DLGAP2: variants seen among roughly 807,000 people sequenced by gnomAD.
DLGAP2 encodes the protein disks large-associated protein 2.
Under a neutral mutation model 100.3 loss-of-function variants are expected in DLGAP2, and 26 were observed. The ratio of observed to expected loss-of-function variants is 0.26; its 90% CI spans 0.19 to 0.36. The LOEUF (loss-of-function observed/expected upper bound fraction) is 0.36. Among genes scored for constraint, DLGAP2 ranks in the 10% least tolerant of loss-of-function variants. DLGAP2 has a pLI of 1.00. For synonymous variants in DLGAP2, 886 were observed against 630.1 expected (o/e 1.41, Z -6.08); for missense variants, 1,858 against 1,453.2 (o/e 1.28, Z -4.53).
chr8:1,443,670 A>C (rs2130078081), intron 3 of DLGAP2, among the ~76,000 whole-genome samples: 1 of 152,342 alleles, frequency 6.6e-6, no homozygotes, highest in African/African-American at 2.4e-5. Context: ...GTGGCAGAGA[A>C]GACGGCTTGT....
At chr8:1,201,575 G>A (rs535012881) in intron 2 of DLGAP2, among the ~76,000 whole-genome samples, 6 of 152,220 alleles carry the variant, frequency 3.9e-5, no homozygotes, top group Non-Finnish European at 8.8e-5. Context: ...TAGACACCCA[G>A]TGTGTGGTCA....
At chr8:1,625,576 A>G (rs1350110923) in intron 6 of DLGAP2, among the ~76,000 whole-genome samples, 1 of 152,268 alleles carries the variant, frequency 6.6e-6, no homozygotes, top group Non-Finnish European at 1.5e-5. Flanking sequence ...TGCATAAGTT[A>G]AAACTGAAAG....
intron 2 of DLGAP2, among the ~76,000 whole-genome samples, chr8:1,091,666 T>C (rs1345842559): frequency 6.6e-6 from 1 of 152,150 alleles, no homozygotes; most frequent in East Asian, 1.9e-4. Context: ...CCGGATGCTA[T>C]GGAGAGATCA....
chr8:1,577,355 G>T (rs1803024886), intron 6 of DLGAP2, among the ~76,000 whole-genome samples: 1 of 152,024 alleles, frequency 6.6e-6, no homozygotes, highest in African/African-American at 2.4e-5. Flanking sequence ...GATCAACTGA[G>T]GTCAGGAGTT....
intron 6 of DLGAP2, among the ~76,000 whole-genome samples, chr8:1,600,099 T>A (rs1187087600): frequency 6.6e-6 from 1 of 152,210 alleles, no homozygotes; most frequent in East Asian, 1.9e-4. Context: ...TTTGCTTGTG[T>A]GTAAAGGATT....
At position 777,802 on chromosome 8, in the gene DLGAP2, C is replaced by T. The variant is rs557637571; in HGVS notation, c.18+39977C>T. Among the ~76,000 whole-genome samples the T allele has an allele frequency of 1.5e-3, 222 of 152,264 alleles. 2 individuals are homozygous for T. Among genetic ancestry groups the T allele is most frequent in the African/African-American group, 4.0e-3 (168 of 41,556 alleles). On this transcript the variant is annotated intron_variant, in intron 1 of 14. Coordinates refer to ENST00000637795, the MANE Select transcript of DLGAP2 (RefSeq NM_001346810.2). Reference sequence around the variant, plus strand: ...CTTAACATTTTTTCCTTCGTTTTGACTTTGGTGAATCTGACAGTTATGTGT... The same window carrying T: ...CTTAACATTTTTTCCTTCGTTTTGATTTTGGTGAATCTGACAGTTATGTGT...
chr8:1,371,832 T>C (rs1802245616), intron 3 of DLGAP2, among the ~76,000 whole-genome samples: 1 of 152,222 alleles, frequency 6.6e-6, no homozygotes, highest in African/African-American at 2.4e-5. Context: ...GAAGTGGGCT[T>C]GACTATTCTG....
intron 2 of DLGAP2, among the ~76,000 whole-genome samples, chr8:1,189,282 C>G (rs1797584881): frequency 6.6e-6 from 1 of 152,236 alleles, no homozygotes; most frequent in Non-Finnish European, 1.5e-5. Flanking sequence ...GTCACTGTCG[C>G]TCAGTGTCAA....
chr8:1,333,968 C>T (rs955356136), intron 3 of DLGAP2, among the ~76,000 whole-genome samples: 1 of 152,210 alleles, frequency 6.6e-6, no homozygotes, highest in Non-Finnish European at 1.5e-5. Context: ...GCCAACACGG[C>T]GAGAGCCACG....
At chr8:1,438,169 T>G (rs1416731879) in intron 3 of DLGAP2, among the ~76,000 whole-genome samples, 1 of 152,156 alleles carries the variant, frequency 6.6e-6, no homozygotes, top group Non-Finnish European at 1.5e-5. Flanking sequence ...TGGGTGTGGT[T>G]ACGAGGGGCA....
intron 3 of DLGAP2, among the ~76,000 whole-genome samples, chr8:1,463,788 C>G (rs564105574): frequency 3.0e-4 from 46 of 152,340 alleles, no homozygotes; most frequent in African/African-American, 1.1e-3. Flanking sequence ...GGTGGGCGAG[C>G]AGGTGCAGCC....
intron 2 of DLGAP2, among the ~76,000 whole-genome samples, chr8:1,084,997 G>C (rs1803928364): frequency 1.3e-5 from 2 of 152,156 alleles, no homozygotes; most frequent in Admixed American, 1.3e-4. Flanking sequence ...AGCGAACAGG[G>C]TTCCCATTTC....
intron 3 of DLGAP2, among the ~76,000 whole-genome samples, chr8:1,274,261 C>A (rs887377851): frequency 6.6e-6 from 1 of 152,028 alleles, no homozygotes; most frequent in Admixed American, 6.6e-5. Context: ...CTTCCCCACC[C>A]ACCATAAGTG....
intron 8 of DLGAP2, among the ~76,000 whole-genome samples, chr8:1,636,582 A>G (rs765084150): frequency 7.2e-5 from 11 of 152,190 alleles, no homozygotes; most frequent in East Asian, 1.9e-4. Flanking sequence ...AAATATGACT[A>G]TGTATTTGAT....
intron 2 of DLGAP2, among the ~76,000 whole-genome samples, chr8:970,206 C>T (rs1799978854): frequency 6.6e-6 from 1 of 152,160 alleles, no homozygotes; most frequent in Non-Finnish European, 1.5e-5. Flanking sequence ...TTTTCTTCAT[C>T]ATCTTATTTG....
chr8:933,528 C>A (rs1799008591), intron 2 of DLGAP2, among the ~76,000 whole-genome samples: 1 of 126,026 alleles, frequency 7.9e-6, no homozygotes, highest in Non-Finnish European at 1.6e-5. Context: ...GTGGAGACAC[C>A]TGGCCGTGGG....
chr8:804,314 G>A (rs1277751192), intron 1 of DLGAP2, among the ~76,000 whole-genome samples: 2 of 152,186 alleles, frequency 1.3e-5, no homozygotes, highest in East Asian at 1.9e-4. Context: ...TGGATCCAGT[G>A]CTGAGACTCT....
intron 3 of DLGAP2, among the ~76,000 whole-genome samples, chr8:1,293,546 C>T (rs925276017): frequency 3.9e-5 from 6 of 152,126 alleles, no homozygotes; most frequent in Admixed American, 2.0e-4. Context: ...TGGAATTTTT[C>T]GTGAAATAAC....
At chr8:955,254 C>T (rs938416357) in intron 2 of DLGAP2, among the ~76,000 whole-genome samples, 2 of 152,144 alleles carry the variant, frequency 1.3e-5, no homozygotes, top group African/African-American at 2.4e-5. Context: ...ACATTTGCCT[C>T]TTCACCTCAC....
Sources: allele counts gnomAD v4.1 joint callset (sites outside exome capture counted in the v4.1 genomes callset), GRCh38; gene constraint gnomAD v4.1.1; transcripts MANE v1.5; gene names NCBI Gene and HGNC (gene_info 2026-07-23, HGNC 2026-07-21).